Variants in ZNF845 observed in about 807,000 individuals in gnomAD.
The protein encoded by ZNF845 is zinc finger protein 845.
A neutral mutation model predicts 76.1 loss-of-function variants in ZNF845; 59 were observed. That is an observed-to-expected ratio of 0.78 (90% CI 0.63 to 0.96). The LOEUF is 0.96. Among genes scored for constraint, ZNF845 ranks in the 40% least tolerant of loss-of-function variants. ZNF845 has a pLI of 0.00. For missense variants in ZNF845, 1,045 were observed against 1,172.8 expected (o/e 0.89, Z 1.59); for synonymous variants, 361 against 386.9 (o/e 0.93, Z 0.78).
chr19:53,356,028 G>C lies in ZNF845; in HGVS notation c.*2440G>C, dbSNP rs1038128758. The stretch of plus-strand genomic sequence containing the variant: ...TTTTATATCCTCTTGAATACAGTTT[G>C]CTAGTATAAGGGTCTTCAAGAAGTT... On this transcript the variant is annotated 3_prime_UTR_variant, in exon 4 of 4. Coordinates refer to ENST00000458035, the MANE Select transcript of ZNF845 (RefSeq NM_138374.3). 1 of 152,126 alleles carries C rather than the reference G, an allele frequency of 6.6e-6. No individual in the cohort carries two copies. The highest frequency in any genetic ancestry group is 2.4e-5 in the African/African-American group (1 of 41,424). 9.4% of individuals were successfully genotyped at this position (152,126 alleles called of 1,614,324 possible).
rs2085333185 is a variant in ZNF845 at position 53,351,313 on chromosome 19, A to C, written c.638A>C (p.Lys213Thr). Reference sequence around the variant, plus strand: ...AAGCAGGAAGTACACATGAGAGAAAAATCTTTCCAATGTAATGAGAGTGGC... The same window carrying C: ...AAGCAGGAAGTACACATGAGAGAAACATCTTTCCAATGTAATGAGAGTGGC... ...TQKQEVHMRE[K>T]SFQCNESGKA... Residue 213 changes from lysine (K) to threonine (T), a missense_variant, in exon 4 of 4, where the codon AAA becomes ACA. Coordinates refer to ENST00000458035, the MANE Select transcript of ZNF845 (RefSeq NM_138374.3). The C allele has an allele frequency of 6.2e-7, 1 of 1,614,116 alleles. No homozygotes were observed. The highest frequency in any genetic ancestry group is 1.3e-5 in the African/African-American group (1 of 74,952).
At chr19:53,334,395 C>T (rs1277094153) in intron 1 of ZNF845, among the ~76,000 whole-genome samples, 1 of 151,970 alleles carries the variant, frequency 6.6e-6, no homozygotes, top group Non-Finnish European at 1.5e-5. Context: ...AGTAGAAAAC[C>T]TGAGACAGAG....
In ZNF845 at chr19:53,341,260, C is replaced by A. The variant is rs3746311; in HGVS notation, c.-48C>A. On this transcript the variant is annotated 5_prime_UTR_variant, in exon 2 of 4. Coordinates refer to ENST00000458035, the MANE Select transcript of ZNF845 (RefSeq NM_138374.3). ...GATTGACTTCTAAAGACTCTTGGTA[C>A]GTGAGGAAGAAACCCGGAAGAGGAA... 15 of 1,611,530 alleles carry A rather than the reference C, an allele frequency of 9.3e-6. No homozygotes were observed. In the South Asian group the frequency reaches 1.5e-4, roughly 17 times the overall value.
chr19:53,352,892 A>G lies in ZNF845; in HGVS notation c.2217A>G (p.Arg739=). The G allele has an allele frequency of 6.2e-7, 1 of 1,614,054 alleles. No individual in the cohort carries two copies. The highest frequency in any genetic ancestry group is 8.5e-7 in the Non-Finnish European group (1 of 1,180,020). The change falls in exon 4 of 4, where the codon AGA becomes AGG. Residue 739 remains arginine (R), a synonymous_variant. Coordinates refer to ENST00000458035, the MANE Select transcript of ZNF845 (RefSeq NM_138374.3). ...AGTCATCCCTTACATGCCATCTTAG[A>G]CTTCATACTGGAGAGAAACCTTACA... is the stretch of plus-strand genomic sequence containing the variant. The part of the protein sequence containing the change: ...SQKSSLTCHL[R]LHTGEKPYKC...
intron 1 of ZNF845, 84 bp downstream of exon 1, chr19:53,333,876 C>T (rs952552161): frequency 2.6e-4 from 40 of 156,204 alleles, no homozygotes; most frequent in Admixed American, 6.5e-5. Context: ...TCCCCATAGA[C>T]CTGGAAATTC....
At chr19:53,343,795 T>G (rs1443558203) in intron 2 of ZNF845, among the ~76,000 whole-genome samples, 1 of 152,146 alleles carries the variant, frequency 6.6e-6, no homozygotes, top group Non-Finnish European at 1.5e-5. Flanking sequence ...AAATGGATTT[T>G]CATACTTTGA....
rs1268634200 is a variant in ZNF845, at chr19:53,351,553, A to T, written c.878A>T (p.His293Leu). 1.2e-6 allele frequency: 2 copies of T among 1,614,192 alleles called. No individual in the cohort carries two copies. Among genetic ancestry groups the T allele is most frequent in the South Asian group, 1.1e-5 (1 of 91,088 alleles). ...ELTLTCHHRLHTGEKHYKCSE... is the reference protein window; with the variant it reads ...ELTLTCHHRLLTGEKHYKCSE... ...ACCCTTACATGCCATCATAGACTTC[A>T]TACTGGAGAGAAACATTACAAGTGC... The change falls in exon 4 of 4, where the codon CAT (histidine) becomes CTT (leucine). Residue 293 changes from histidine (H) to leucine (L), a missense_variant. Physicochemically the swap from His to Leu is moderately conservative, Grantham distance 99. Transcript: ENST00000458035.
intron 1 of ZNF845, among the ~76,000 whole-genome samples, chr19:53,336,633 CTTTTTTT>C (rs398035035): frequency 1.1e-4 from 10 of 92,446 alleles, no homozygotes; most frequent in Admixed American, 4.7e-4. Flanking sequence ...TTCTTTCTTT[CTTTTTTT>C]TTTTTTTTTT....
Position 53,354,234 on chromosome 19 carries a change from C to A in ZNF845, c.*646C>A, listed in dbSNP as rs1329572061. On this transcript the variant is annotated 3_prime_UTR_variant, in exon 4 of 4. Coordinates refer to ENST00000458035, the MANE Select transcript of ZNF845 (RefSeq NM_138374.3). Reference sequence around the variant, plus strand: ...ACCCCTTAAGGAACATCAGAAAATTCATTTTTGAGATGATTGTTCCAAATG... The same window carrying A: ...ACCCCTTAAGGAACATCAGAAAATTAATTTTTGAGATGATTGTTCCAAATG... The A allele has an allele frequency of 5.0e-5, 25 of 498,940 alleles. No homozygotes were observed. The highest frequency in any genetic ancestry group is 1.0e-4 in the Non-Finnish European group (25 of 249,232). 30.9% of individuals were successfully genotyped at this position (498,940 alleles called of 1,614,324 possible).
chr19:53,336,374 G>A (rs767320574), intron 1 of ZNF845, among the ~76,000 whole-genome samples: 26 of 152,102 alleles, frequency 1.7e-4, no homozygotes, highest in Non-Finnish European at 3.5e-4. Context: ...GCTGGGCATG[G>A]TGGCATGCAT....
chr19:53,341,190 G>T, intron 1 of ZNF845, 45 bp from the exon 2 acceptor site: 1 of 1,446,908 alleles, frequency 6.9e-7, no homozygotes, highest in Non-Finnish European at 9.6e-7. Context: ...TAACGGAGGG[G>T]GTGTGTTGAT....
At position 53,353,478 on chromosome 19, in the gene ZNF845, A is replaced by C; in HGVS notation, c.2803A>C (p.Thr935Pro). The C allele has an allele frequency of 6.2e-7, 1 of 1,612,440 alleles. No individual in the cohort carries two copies. The stretch of plus-strand genomic sequence containing the variant: ...CAATTCAGTCCTTGTAATTCATAAG[A>C]CAATTCATACTGGAGAGAAACCTTA... The part of the protein sequence containing the change: ...RHNSVLVIHK[T>P]IHTGEKPYKC... Residue 935 changes from threonine (T) to proline (P), a missense_variant, in exon 4 of 4, where the codon ACA becomes CCA. Transcript: ENST00000458035.
rs1232551240 is a variant in ZNF845 at position 53,356,898 on chromosome 19, C to G, written c.*3310C>G. 6.9e-6 allele frequency: 1 copy of G among 145,072 alleles called. No homozygotes were observed. The highest frequency in any genetic ancestry group is 2.6e-5 in the African/African-American group (1 of 38,646). The allele number at this position is 145,072 out of a possible 1,614,324, so 9.0% of individuals were successfully genotyped here. A position where few individuals can be genotyped will look rare whatever the true frequency, so the allele number is the denominator to read the frequency against. On this transcript the variant is annotated 3_prime_UTR_variant, in exon 4 of 4. Transcript: ENST00000458035. ...TGAGCCGAGATCGCACCACTGCACT[C>G]CAGCCTGGGTGACAGCGAGACTCTG... is the stretch of plus-strand genomic sequence containing the variant.
chr19:53,338,013 C>T (rs1300607372), intron 1 of ZNF845, among the ~76,000 whole-genome samples: 1 of 152,052 alleles, frequency 6.6e-6, no homozygotes, highest in East Asian at 1.9e-4. Context: ...AGATGCCTTT[C>T]TGCATGGATT....
At chr19:53,338,716 A>ACG (rs925145085) in intron 1 of ZNF845, among the ~76,000 whole-genome samples, 2 of 77,068 alleles carry the variant, frequency 2.6e-5, no homozygotes, top group Non-Finnish European at 5.5e-5. Flanking sequence ...ACACACACAC[A>ACG]CACACGCACA....
intron 3 of ZNF845, among the ~76,000 whole-genome samples, chr19:53,348,946 G>T (rs965851178): frequency 5.3e-5 from 7 of 131,228 alleles, no homozygotes; most frequent in South Asian, 5.2e-4. Flanking sequence ...AACCTCCACC[G>T]CCTGGGTTCA....
At chr19:53,338,025 T>A (rs2085228328) in intron 1 of ZNF845, among the ~76,000 whole-genome samples, 1 of 152,026 alleles carries the variant, frequency 6.6e-6, no homozygotes, top group Non-Finnish European at 1.5e-5. Context: ...GCATGGATTA[T>A]TTTGAGTGTT....
rs148199925 is a variant in ZNF845, at chr19:53,352,608, A to G, written c.1933A>G (p.Ser645Gly). 1.1e-3 allele frequency: 1,752 copies of G among 1,613,602 alleles called. 22 individuals carry two copies. In the African/African-American group the frequency reaches 0.02, roughly 18 times the overall value. ...ATGTGAAGAATGTGATGAAGCTTTCAGTTTCAAATCAAACCTTCAAAGACA... is the reference window on the plus strand; with the variant it reads ...ATGTGAAGAATGTGATGAAGCTTTCGGTTTCAAATCAAACCTTCAAAGACA... The part of the protein sequence containing the change: ...YKCEECDEAF[S>G]FKSNLQRHRR... Residue 645 changes from serine to glycine, a missense_variant, in exon 4 of 4, where the codon AGT becomes GGT. Coordinates refer to ENST00000458035, the MANE Select transcript of ZNF845 (RefSeq NM_138374.3).
intron 2 of ZNF845, among the ~76,000 whole-genome samples, chr19:53,341,741 G>C (rs553339722): frequency 6.6e-6 from 1 of 152,288 alleles, no homozygotes; most frequent in East Asian, 1.9e-4. Context: ...TGACCAATAA[G>C]GGGAAACGTT....
Sources: gnomAD v4.1 joint callset for allele counts (sites outside exome capture counted in the v4.1 genomes callset) on GRCh38, gnomAD v4.1.1 for gene constraint, MANE v1.5 for transcripts, NCBI Gene and HGNC (gene_info 2026-07-23, HGNC 2026-07-21) for gene names.